The following AK9 variants were observed in gnomAD, a reference collection of about 807,000 sequenced individuals.
AK9 encodes the protein adenylate kinase domain containing 1.
AK9 carries 191 observed loss-of-function variants against 239.6 expected under a neutral mutation model. That is an observed-to-expected ratio of 0.80 (90% CI 0.71 to 0.90). The LOEUF is 0.90. Ranked by LOEUF, AK9 falls within the 40% of genes least tolerant of loss-of-function variation. The pLI is 0.00. For missense variants in AK9, 1,995 were observed against 2,214.7 expected, an observed-to-expected ratio of 0.90 and a Z score of 1.99; for synonymous variants, 689 against 721.0, an observed-to-expected ratio of 0.96 and a Z score of 0.71.
At chr6:109,544,501 G>C (rs1783285606) in intron 26 of AK9, among the ~76,000 whole-genome samples, 1 of 152,108 alleles carries the variant, frequency 6.6e-6, no homozygotes, top group African/African-American at 2.4e-5. Context: ...GTGAGTGAGT[G>C]CTCATGAGAT....
chr6:109,665,132 T>G (rs944861564), intron 5 of AK9, among the ~76,000 whole-genome samples: 2 of 152,222 alleles, frequency 1.3e-5, no homozygotes, highest in Admixed American at 1.3e-4. Flanking sequence ...CTAAGCTTTT[T>G]TGATCACTTT....
At chr6:109,549,803 C>T in intron 25 of AK9, 1 of 208,544 alleles carries the variant, frequency 4.8e-6, no homozygotes, top group Non-Finnish European at 9.6e-6. Context: ...GTAGCTGGGA[C>T]TACAGGCGCG....
intron 8 of AK9, among the ~76,000 whole-genome samples, chr6:109,646,407 G>A (rs1798068792): frequency 1.3e-5 from 2 of 152,162 alleles, no homozygotes; most frequent in African/African-American, 4.8e-5. Context: ...TAAATGACAT[G>A]ATGGAGCTGA....
intron 21 of AK9, among the ~76,000 whole-genome samples, chr6:109,570,881 T>G (rs745553232): frequency 6.6e-6 from 1 of 152,142 alleles, no homozygotes; most frequent in Non-Finnish European, 1.5e-5. Flanking sequence ...AGCAAAGTTT[T>G]AACAAATAAT....
At chr6:109,528,693 T>C (rs1279140321) in intron 29 of AK9, 1 of 480,238 alleles carries the variant, frequency 2.1e-6, no homozygotes, top group Non-Finnish European at 4.1e-6. Context: ...TGACATGTGG[T>C]TGCACTTGTA....
chr6:109,514,066 G>A (rs542263519), intron 32 of AK9, among the ~76,000 whole-genome samples, 158 bp downstream of exon 32: 3 of 152,258 alleles, frequency 2.0e-5, no homozygotes, highest in South Asian at 2.1e-4. Flanking sequence ...TCAGGGAGAC[G>A]GATTGGAGAT....
intron 35 of AK9, among the ~76,000 whole-genome samples, chr6:109,499,701 T>C (rs1225177135): frequency 6.6e-6 from 1 of 152,016 alleles, no homozygotes; most frequent in East Asian, 1.9e-4. Flanking sequence ...CAGGTTCAAG[T>C]GATTCTTGTG....
At chr6:109,524,797 G>A (rs1443201850) in intron 29 of AK9, among the ~76,000 whole-genome samples, 1 of 152,152 alleles carries the variant, frequency 6.6e-6, no homozygotes, top group Non-Finnish European at 1.5e-5. Context: ...GAGCATAAAG[G>A]ATGTTAGTGG....
chr6:109,656,994 G>T (rs1357002701), intron 7 of AK9, 110 bp from the exon 8 acceptor site: 14 of 1,279,822 alleles, frequency 1.1e-5, no homozygotes, highest in East Asian at 2.4e-5. Flanking sequence ...TGAGAAGCAG[G>T]GGGAGGGGAC....
At chr6:109,612,130 AT>A in intron 15 of AK9, 37 bp from the exon 16 acceptor site, 1 of 1,349,116 alleles carries the variant, frequency 7.4e-7, no homozygotes, top group Non-Finnish European at 1.0e-6. Context: ...AAAGAACGGT[AT>A]TAAAAAAAAT....
At chr6:109,608,278 C>CAAA (rs568305228) in intron 17 of AK9, among the ~76,000 whole-genome samples, 3 of 54,714 alleles carry the variant, frequency 5.5e-5, no homozygotes, top group Non-Finnish European at 7.5e-5. Context: ...GACTCTGGCT[C>CAAA]AAAAAAAAAA....
In AK9 at chr6:109,550,128, G is replaced by T; in HGVS notation, c.2926C>A (p.His976Asn). ...SAEAKEKFLE[H>N]PEDYVAHEEP... is the part of the protein sequence containing the mutation. ...TCATGAGCCACATAATCCTCAGGAT[G>T]CTCCAAAAACTTTTCTTTAGCCTCA... Residue 976 changes from histidine to asparagine, a missense_variant, in exon 25 of 41, where the codon CAT becomes AAT. Physicochemically the swap from His to Asn is moderately conservative, Grantham distance 68. This residue lies in a region of AK9 where 1,290 missense variants were observed against 1,392.7 expected (regional missense o/e 0.93). Transcript: ENST00000424296. The T allele has an allele frequency of 6.2e-7, 1 of 1,613,902 alleles. No homozygotes were observed. The highest frequency in any genetic ancestry group is 8.5e-7 in the Non-Finnish European group (1 of 1,180,014).
At chr6:109,547,532 C>T (rs890875938) in intron 25 of AK9, among the ~76,000 whole-genome samples, 6 of 152,030 alleles carry the variant, frequency 3.9e-5, no homozygotes, top group African/African-American at 1.4e-4. Context: ...TTCACCTATA[C>T]AGAAATCAAC....
At chr6:109,628,214 A>G (rs1198565508) in intron 12 of AK9, among the ~76,000 whole-genome samples, 1 of 151,928 alleles carries the variant, frequency 6.6e-6, no homozygotes, top group Non-Finnish European at 1.5e-5. Flanking sequence ...GCACTGCTCA[A>G]CCTCCAGTAT....
At chr6:109,661,229 G>A (rs1406140682) in intron 6 of AK9, among the ~76,000 whole-genome samples, 1 of 152,152 alleles carries the variant, frequency 6.6e-6, no homozygotes, top group African/African-American at 2.4e-5. Context: ...CTTATAACAT[G>A]AATGGGGTTA....
chr6:109,580,066 T>A (rs1276051029), intron 19 of AK9, among the ~76,000 whole-genome samples: 1 of 152,172 alleles, frequency 6.6e-6, no homozygotes, highest in East Asian at 1.9e-4. Context: ...AGAAAACCAA[T>A]CAAATGGTCA....
At chr6:109,528,813 C>G (rs964473557) in intron 29 of AK9, 198 bp downstream of exon 29, 1 of 875,138 alleles carries the variant, frequency 1.1e-6, no homozygotes, top group African/African-American at 1.6e-5. Flanking sequence ...AAAGCTGTTA[C>G]AAGAGTGTCT....
At chr6:109,538,116 T>G (rs1364914118) in intron 27 of AK9, among the ~76,000 whole-genome samples, 1 of 152,214 alleles carries the variant, frequency 6.6e-6, no homozygotes, top group Non-Finnish European at 1.5e-5. Context: ...AGATGTCTAT[T>G]AGGTCCACTT....
rs1254703382 is a variant in AK9 at position 109,633,178 on chromosome 6, A to T, written c.1073+6T>A. 6.3e-7 allele frequency: 1 copy of T among 1,581,722 alleles called. No individual in the cohort carries two copies. Among genetic ancestry groups the T allele is most frequent in the African/African-American group, 1.4e-5 (1 of 72,960 alleles). On this transcript the variant is annotated splice_donor_region_variant and intron_variant, in intron 11 of 40. Coordinates refer to ENST00000424296, the MANE Select transcript of AK9 (RefSeq NM_001145128.3). Reference sequence around the variant, plus strand: ...TTTAAAATTAAGTTCTGAAAATCTTACTTACCTCACAGAATAATCTGGTAA... The same window carrying T: ...TTTAAAATTAAGTTCTGAAAATCTTTCTTACCTCACAGAATAATCTGGTAA...
Sources: allele counts gnomAD v4.1 joint callset (sites outside exome capture counted in the v4.1 genomes callset), GRCh38; gene constraint gnomAD v4.1.1; regional missense constraint gnomAD v4.1.1; transcripts MANE v1.5; gene names NCBI Gene and HGNC (gene_info 2026-07-23, HGNC 2026-07-21).